The following XRN2 variants were observed in gnomAD, a reference collection of about 807,000 sequenced individuals.
XRN2 encodes the protein DHM1-like protein.
XRN2 carries 44 observed loss-of-function variants against 138.5 expected under a neutral mutation model. The ratio of observed to expected loss-of-function variants is 0.32; its 90% CI spans 0.25 to 0.41. The LOEUF (loss-of-function observed/expected upper bound fraction) is 0.41, where lower values mean the gene tolerates loss of function less well. Ranked by LOEUF, XRN2 falls within the 10% of genes least tolerant of loss-of-function variation. The pLI, the probability that XRN2 is intolerant of heterozygous loss-of-function variation, is 1.00. For missense variants in XRN2, 937 were observed against 1,169.3 expected (o/e 0.80, Z 2.90); for synonymous variants, 354 against 369.4 (o/e 0.96, Z 0.48).
Position 21,312,153 on chromosome 20 carries a change from C to T in XRN2, c.75+8680C>T, listed in dbSNP as rs537486514. ...TTTTGAGAGGAGTTTCACTGTGTTG[C>T]CCAGGCTGGAGTGCAGTGGCGCGAT... On this transcript the variant is annotated intron_variant, in intron 1 of 29. Transcript: ENST00000377191. Among the ~76,000 whole-genome samples the T allele has an allele frequency of 5.9e-5, 9 of 151,932 alleles. No individual in the cohort carries two copies. The East Asian group carries it at 1.7e-3, about 30-fold the overall frequency.
intron 24 of XRN2, among the ~76,000 whole-genome samples, chr20:21,359,625 T>C (rs989449342): frequency 6.6e-6 from 1 of 152,168 alleles, no homozygotes; most frequent in East Asian, 1.9e-4. Context: ...TTAGGTTAAT[T>C]TGCTGAAGAT....
At chr20:21,383,767 C>T (rs958126468) in intron 28 of XRN2, among the ~76,000 whole-genome samples, 1 of 152,168 alleles carries the variant, frequency 6.6e-6, no homozygotes, top group Non-Finnish European at 1.5e-5. Flanking sequence ...TTATTCTACC[C>T]TAGCCAAGTA....
intron 17 of XRN2, among the ~76,000 whole-genome samples, chr20:21,346,843 T>G (rs1296472678): frequency 6.6e-6 from 1 of 152,076 alleles, no homozygotes; most frequent in Non-Finnish European, 1.5e-5. Context: ...GGTCTCAAAC[T>G]CCTGACCTCG....
intron 24 of XRN2, among the ~76,000 whole-genome samples, chr20:21,364,899 G>A (rs1197187736): frequency 6.6e-6 from 1 of 151,898 alleles, no homozygotes; most frequent in African/African-American, 2.4e-5. Context: ...GGGTACAAGG[G>A]TCCAACTGTG....
chr20:21,304,348 C>CT (rs111498218), intron 1 of XRN2, among the ~76,000 whole-genome samples: 5,339 of 136,986 alleles, frequency 0.039, 98 homozygotes, highest in South Asian at 0.044. Context: ...CTTATTTCTG[C>CT]TTTTTTTTTT....
At chr20:21,374,251 T>C (rs2038794060) in intron 27 of XRN2, among the ~76,000 whole-genome samples, 1 of 152,222 alleles carries the variant, frequency 6.6e-6, no homozygotes, top group Non-Finnish European at 1.5e-5. Flanking sequence ...TACACAATTA[T>C]GTCATCTCCA....
chr20:21,365,920 AAT>A (rs1360060116), intron 26 of XRN2, among the ~76,000 whole-genome samples: 2 of 92,080 alleles, frequency 2.2e-5, no homozygotes, highest in African/African-American at 4.2e-5. Flanking sequence ...TATATAATAT[AAT>A]ATATATATAA....
Position 21,332,413 on chromosome 20 carries a change from A to C in XRN2, c.831A>C (p.Glu277Asp). The C allele has an allele frequency of 6.2e-7, 1 of 1,611,552 alleles. No homozygotes were observed. The highest frequency in any genetic ancestry group is 8.5e-7 in the Non-Finnish European group (1 of 1,178,856). The change falls in exon 9 of 30, where the codon GAA becomes GAC. Residue 277 changes from glutamate (E) to aspartate (D), a missense_variant. By Grantham distance (45) the Glu-to-Asp change is conservative. Transcript: ENST00000377191. ...NQFGHEVKDCEGLPREKKGKH... is the reference protein window; with the variant it reads ...NQFGHEVKDCDGLPREKKGKH... ...TTGGACATGAGGTCAAAGATTGTGA[A>C]GGTTTGCCAAGAGAAAAGAAGGGAA...
Position 21,365,693 on chromosome 20 carries a change from C to G in XRN2, c.2445C>G (p.Phe815Leu). The G allele has an allele frequency of 6.4e-7, 1 of 1,569,810 alleles. No individual in the cohort carries two copies. Among genetic ancestry groups the G allele is most frequent in the Non-Finnish European group, 8.6e-7 (1 of 1,158,690 alleles). The change falls in exon 26 of 30, where the codon TTC (phenylalanine) becomes TTG (leucine). Residue 815 changes from phenylalanine to leucine, a missense_variant. Phe to Leu is a conservative substitution (Grantham distance 22). This residue lies in a region of XRN2 where 372 missense variants were observed against 414.4 expected (regional missense o/e 0.90). Coordinates refer to ENST00000377191, the MANE Select transcript of XRN2 (RefSeq NM_012255.5). Reference sequence around the variant, plus strand: ...CTGTGCACCTGGATCAGGCAGCCTTCAGGACTTTGGGGTGAGTTGTCAGTT... The same window carrying G: ...CTGTGCACCTGGATCAGGCAGCCTTGAGGACTTTGGGGTGAGTTGTCAGTT... ...RRPVHLDQAA[F>L]RTLGHVMPRG...
chr20:21,372,009 G>A (rs1280262045), intron 27 of XRN2, among the ~76,000 whole-genome samples: 1 of 152,128 alleles, frequency 6.6e-6, no homozygotes, highest in Non-Finnish European at 1.5e-5. Flanking sequence ...GATTTAATGT[G>A]TACTTACAAA....
intron 13 of XRN2, among the ~76,000 whole-genome samples, chr20:21,337,621 G>A (rs1368216380): frequency 6.6e-6 from 1 of 152,148 alleles, no homozygotes; most frequent in Admixed American, 6.5e-5. Context: ...GGGCCCAGGG[G>A]AGCACCAACA....
In XRN2 at chr20:21,353,223, GATATATATATATATATATATAT is replaced by G. The variant is rs869071652; in HGVS notation, c.1937-1545_1937-1524del. Among the ~76,000 whole-genome samples the G allele has an allele frequency of 1.9e-3, 214 of 113,840 alleles. 7 individuals carry two copies. Among genetic ancestry groups the G allele is most frequent in the East Asian group, 6.8e-4 (3 of 4,380 alleles). The allele number at this position is 113,840 out of a possible 152,430, so 74.7% of individuals were successfully genotyped here. Reference sequence around the variant, plus strand: ...AAATATAAATAAATGTAGTGGGTAGGATATATATATATATATATATATATATATATATATATATATATCTCTT... The same window carrying G: ...AAATATAAATAAATGTAGTGGGTAGGATATATATATATATATATATCTCTT... On this transcript the variant is annotated intron_variant, in intron 20 of 29. Transcript: ENST00000377191.
chr20:21,352,495 A>G (rs1411561766), intron 20 of XRN2, among the ~76,000 whole-genome samples: 7 of 151,660 alleles, frequency 4.6e-5, no homozygotes, highest in Admixed American at 4.6e-4. Context: ...CACCTGCCTA[A>G]TTTTTTTGTA....
intron 27 of XRN2, among the ~76,000 whole-genome samples, chr20:21,377,264 CTTTTT>C (rs761622310): frequency 2.4e-5 from 2 of 82,800 alleles, no homozygotes; most frequent in South Asian, 5.0e-4. Context: ...TCGGTTTTTT[CTTTTT>C]TTTTTTTTTG....
At chr20:21,314,422 T>C (rs1231522957) in intron 1 of XRN2, among the ~76,000 whole-genome samples, 2 of 152,254 alleles carry the variant, frequency 1.3e-5, no homozygotes, top group African/African-American at 2.4e-5. Context: ...TATGTGGATA[T>C]GTTTTCGTTT....
At chr20:21,365,871 A>T (rs2122308389) in intron 26 of XRN2, among the ~76,000 whole-genome samples, 167 bp downstream of exon 26, 1 of 84,346 alleles carries the variant, frequency 1.2e-5, no homozygotes, top group African/African-American at 4.5e-5. Flanking sequence ...ATATATAATT[A>T]TATATAATAT....
intron 27 of XRN2, among the ~76,000 whole-genome samples, chr20:21,375,433 C>T (rs974248056): frequency 6.6e-5 from 10 of 152,110 alleles, no homozygotes; most frequent in African/African-American, 1.9e-4. Context: ...AATATATGCA[C>T]TTCAGTGTTA....
At chr20:21,356,690 G>A (rs1461941752) in intron 23 of XRN2, 25 bp downstream of exon 23, 2 of 1,589,682 alleles carry the variant, frequency 1.3e-6, no homozygotes, top group Non-Finnish European at 1.7e-6. Context: ...GTATATAATT[G>A]AGGTGACTGG....
chr20:21,331,434 CACA>C (rs1568574988), intron 6 of XRN2, 124 bp from the exon 7 acceptor site: 59 of 736,350 alleles, frequency 8.0e-5, no homozygotes, highest in Non-Finnish European at 9.5e-5. Context: ...CACACACACA[CACA>C]CCCTTATTCA....
Sources: allele counts gnomAD v4.1 joint callset (sites outside exome capture counted in the v4.1 genomes callset), GRCh38; gene constraint gnomAD v4.1.1; regional missense constraint gnomAD v4.1.1; transcripts MANE v1.5; gene names NCBI Gene and HGNC (gene_info 2026-07-23, HGNC 2026-07-21).